The following PPP2R5C variants were observed in gnomAD, a reference collection of about 807,000 sequenced individuals.
PPP2R5C encodes serine/threonine-protein phosphatase 2A 56 kDa regulatory subunit gamma isoform.
Under a neutral mutation model 68.9 loss-of-function variants are expected in PPP2R5C, and 7 were observed. That is an observed-to-expected ratio of 0.10 (90% CI 0.06 to 0.19). The LOEUF (loss-of-function observed/expected upper bound fraction) is 0.19, where lower values mean the gene tolerates loss of function less well. PPP2R5C is among the 10% of genes least tolerant of loss of function. The pLI is 1.00. For missense variants in PPP2R5C, 348 were observed against 641.3 expected, an observed-to-expected ratio of 0.54 and a Z score of 4.94; for synonymous variants, 210 against 222.2, an observed-to-expected ratio of 0.95 and a Z score of 0.49.
At chr14:101,871,743 A>G (rs1173303713) in intron 2 of PPP2R5C, among the ~76,000 whole-genome samples, 7 of 151,268 alleles carry the variant, frequency 4.6e-5, no homozygotes, top group Non-Finnish European at 1.0e-4. Flanking sequence ...ATTCCCTTCT[A>G]TCTCATTTGT....
chr14:101,766,407 A>G (rs2036863944), intron 2 of PPP2R5C: 1 of 152,216 alleles, frequency 6.6e-6, no homozygotes, highest in Non-Finnish European at 1.5e-5. Context: ...TGATTTGATA[A>G]GTTTAAGATT....
At chr14:101,859,927 T>A (rs2042655672) in intron 2 of PPP2R5C, among the ~76,000 whole-genome samples, 2 of 152,052 alleles carry the variant, frequency 1.3e-5, no homozygotes, top group Admixed American at 6.6e-5. Flanking sequence ...TTTTTTTTTT[T>A]GAAGAATCCA....
At chr14:101,914,383 C>A in intron 12 of PPP2R5C, 1 of 259,318 alleles carries the variant, frequency 3.9e-6, no homozygotes, top group South Asian at 3.8e-5. Flanking sequence ...CTCGTACTTG[C>A]TTCTCATTCT....
In PPP2R5C at chr14:101,906,288, C is replaced by T; in HGVS notation, c.1024-114C>T. ...AATATTTTGAATTTGTAGAAATAAT[C>T]ATAATTTTCTGGTCCAAGGTAGTTC... On this transcript the variant is annotated intron_variant, in intron 9 of 13. Coordinates refer to ENST00000334743, the Ensembl canonical transcript of PPP2R5C. The surrounding 1 kb of genome is among the most constrained non-coding windows in gnomAD (Gnocchi z 4.0). 1 of 1,135,752 alleles carries T rather than the reference C, an allele frequency of 8.8e-7. No homozygotes were observed. Among genetic ancestry groups the T allele is most frequent in the South Asian group, 1.9e-5 (1 of 52,228 alleles). The allele number at this position is 1,135,752 out of a possible 1,614,324, so 70.4% of individuals were successfully genotyped here.
intron 3 of PPP2R5C, among the ~76,000 whole-genome samples, chr14:101,796,211 T>C (rs888082219): frequency 3.3e-5 from 5 of 152,244 alleles, no homozygotes; most frequent in Non-Finnish European, 5.9e-5. Context: ...ACAGGAACTT[T>C]GGCTTCTTGC....
chr14:101,885,564 T>C (rs2044449076), intron 5 of PPP2R5C, among the ~76,000 whole-genome samples: 1 of 152,212 alleles, frequency 6.6e-6, no homozygotes, highest in African/African-American at 2.4e-5. Context: ...AGGGTTGCAT[T>C]CCCTCCTGAC....
At chr14:101,919,444 T>C (rs543409030) in intron 13 of PPP2R5C, among the ~76,000 whole-genome samples, 15 of 152,304 alleles carry the variant, frequency 9.8e-5, no homozygotes, top group African/African-American at 3.1e-4. Context: ...TTTCTCTCTT[T>C]GTGGGAGTGT....
Position 101,781,069 on chromosome 14 carries a change from A to G in PPP2R5C, c.94-4949A>G, listed in dbSNP as rs1411591571. 6.6e-6 allele frequency among the ~76,000 whole-genome samples: 1 copy of G among 151,808 alleles called. No homozygotes were observed. Among genetic ancestry groups the G allele is most frequent in the Non-Finnish European group, 1.5e-5 (1 of 67,938 alleles). ...CAGCCGCTCCCCAGCCTTCCTCCCTAGCCGTCTCCCTCCAGCTACAGGTGC... is the reference window on the plus strand; with the variant it reads ...CAGCCGCTCCCCAGCCTTCCTCCCTGGCCGTCTCCCTCCAGCTACAGGTGC... On this transcript the variant is annotated intron_variant, in intron 2 of 14. Transcript: ENST00000328724. The surrounding 1 kb of genome is among the most constrained non-coding windows in gnomAD (Gnocchi z 6.4).
intron 1 of PPP2R5C, among the ~76,000 whole-genome samples, chr14:101,849,651 A>G (rs773703162): frequency 6.6e-6 from 1 of 152,228 alleles, no homozygotes; most frequent in Non-Finnish European, 1.5e-5. Flanking sequence ...TTGATGAAGG[A>G]AAATGTTTAA....
rs543631573 is a variant in PPP2R5C, at chr14:101,830,224, C to T, written c.94+20188C>T. On this transcript the variant is annotated intron_variant, in intron 1 of 13. Coordinates refer to ENST00000334743, the Ensembl canonical transcript of PPP2R5C. ...GTGAGAATTTCCAAGTTCATTAATT[C>T]GGGTTCCTGTTACCAACTCATGTTT... 3.9e-5 allele frequency among the ~76,000 whole-genome samples: 6 copies of T among 152,286 alleles called. No homozygotes were observed. The East Asian group carries it at 5.8e-4, about 15-fold the overall frequency.
upstream of PPP2R5C, among the ~76,000 whole-genome samples, chr14:101,806,793 C>G (rs1053989084): frequency 1.3e-5 from 2 of 152,010 alleles, no homozygotes; most frequent in Admixed American, 1.3e-4. Flanking sequence ...GAGACCTCAT[C>G]TCTACTGAAA....
intron 8 of PPP2R5C, 51 bp from the exon 11 acceptor site, chr14:101,901,668 G>A (rs2045701446): frequency 3.8e-6 from 6 of 1,577,522 alleles, no homozygotes; most frequent in East Asian, 4.5e-5. Context: ...TACCATGCAG[G>A]TGTTGGGGCC....
exon 14 of PPP2R5C, chr14:101,926,463 C>G (rs1430151952): frequency 6.6e-6 from 1 of 152,624 alleles, no homozygotes; most frequent in African/African-American, 2.4e-5. Context: ...ATGTACTGAG[C>G]TTTTGTTTTA....
chr14:101,858,151 T>C (rs2042536474), intron 2 of PPP2R5C, among the ~76,000 whole-genome samples: 1 of 152,156 alleles, frequency 6.6e-6, no homozygotes, highest in African/African-American at 2.4e-5. Flanking sequence ...GCAGAGAATA[T>C]ATACCCTAAA....
chr14:101,760,700 C>A (rs1433615008), upstream of PPP2R5C: 3 of 891,418 alleles, frequency 3.4e-6, no homozygotes, highest in Non-Finnish European at 3.8e-6. Flanking sequence ...CGGGACCTCG[C>A]GGGAGGAGCT....
At chr14:101,774,234 G>A (rs1431317824) in intron 2 of PPP2R5C, among the ~76,000 whole-genome samples, 1 of 152,244 alleles carries the variant, frequency 6.6e-6, no homozygotes, top group Non-Finnish European at 1.5e-5. Flanking sequence ...AGAGGCCTTG[G>A]CTGGGAGCTG....
At chr14:101,911,777 G>A (rs569168221) in intron 11 of PPP2R5C, among the ~76,000 whole-genome samples, 8 of 152,076 alleles carry the variant, frequency 5.3e-5, no homozygotes, top group Non-Finnish European at 8.8e-5. Context: ...CCAGCTACTC[G>A]GGAGGTTGAG....
intron 1 of PPP2R5C, among the ~76,000 whole-genome samples, chr14:101,812,731 C>T (rs1411643208): frequency 1.3e-5 from 2 of 152,100 alleles, no homozygotes; most frequent in Non-Finnish European, 2.9e-5. Context: ...ATTTATTGAT[C>T]CATACCACAT....
chr14:101,897,710 C>T (rs2045431634), intron 8 of PPP2R5C, among the ~76,000 whole-genome samples: 1 of 151,900 alleles, frequency 6.6e-6, no homozygotes, highest in East Asian at 1.9e-4. Context: ...TCTCCTTTTG[C>T]AACACCCTCA....
Sources: allele counts gnomAD v4.1 joint callset (sites outside exome capture counted in the v4.1 genomes callset), GRCh38; gene constraint gnomAD v4.1.1; non-coding constraint Gnocchi (gnomAD v3.1); transcripts MANE v1.5; gene names NCBI Gene and HGNC (gene_info 2026-07-23, HGNC 2026-07-21).